TFDP1: variants seen among roughly 807,000 people sequenced by gnomAD.
The protein encoded by TFDP1 is DRTF1-polypeptide 1.
TFDP1 carries 6 observed loss-of-function variants against 48.0 expected under a neutral mutation model. The observed-to-expected ratio is 0.13, with a 90% CI of 0.07 to 0.25. The LOEUF (loss-of-function observed/expected upper bound fraction) is 0.25. Ranked by LOEUF, TFDP1 falls within the 10% of genes least tolerant of loss-of-function variation. The pLI, the probability that TFDP1 is intolerant of heterozygous loss-of-function variation, is 1.00. For missense variants in TFDP1, 335 were observed against 543.0 expected (o/e 0.62, Z 3.81); for synonymous variants, 201 against 211.6 (o/e 0.95, Z 0.44).
In TFDP1 at chr13:113,633,799, T is replaced by G; in HGVS notation, c.475-91T>G. 6.8e-7 allele frequency: 1 copy of G among 1,468,208 alleles called. No individual in the cohort carries two copies. The allele number at this position is 1,468,208 out of a possible 1,614,324, so 90.9% of individuals were successfully genotyped here. On this transcript the variant is annotated intron_variant, in intron 6 of 11. Transcript: ENST00000375370. The surrounding 1 kb of genome is among the most constrained non-coding windows in gnomAD (Gnocchi z 4.5). Reference sequence around the variant, plus strand: ...TGGGGTGGCGGCTCCGTGAGCGGGGTGCCCCTTTGAGCCAGTGCCCATGGT... The same window carrying G: ...TGGGGTGGCGGCTCCGTGAGCGGGGGGCCCCTTTGAGCCAGTGCCCATGGT...
intron 7 of TFDP1, 156 bp downstream of exon 7, chr13:113,634,189 C>T (rs1294829834): frequency 1.8e-6 from 2 of 1,081,348 alleles, no homozygotes; most frequent in African/African-American, 3.1e-5. Flanking sequence ...GTTTCTCAGT[C>T]TTGGCTGTCA....
chr13:113,608,812 C>A (rs1012517729), intron 2 of TFDP1, among the ~76,000 whole-genome samples: 3 of 152,206 alleles, frequency 2.0e-5, no homozygotes, highest in African/African-American at 7.2e-5. Flanking sequence ...TTCTAGCCCA[C>A]CATAGCCACT....
intron 2 of TFDP1, among the ~76,000 whole-genome samples, chr13:113,595,032 T>C (rs2048252383): frequency 6.6e-6 from 1 of 152,226 alleles, no homozygotes; most frequent in Non-Finnish European, 1.5e-5. Flanking sequence ...TTCTAATCTT[T>C]TCACCTCAGT....
chr13:113,612,848 G>T (rs1469556208), intron 3 of TFDP1, among the ~76,000 whole-genome samples: 1 of 152,152 alleles, frequency 6.6e-6, no homozygotes, highest in Non-Finnish European at 1.5e-5. Flanking sequence ...GTTTTGAGCC[G>T]GCCCAGCAGG....
chr13:113,638,335 C>G (rs113076727), intron 11 of TFDP1, among the ~76,000 whole-genome samples: 20 of 149,350 alleles, frequency 1.3e-4, no homozygotes, highest in African/African-American at 5.0e-4. Flanking sequence ...ACACATTTTT[C>G]AGAACGCATC....
rs1420549830 is a variant in TFDP1, at chr13:113,607,470, A to C, written c.13-3526A>C. On this transcript the variant is annotated intron_variant, in intron 2 of 11. Transcript: ENST00000375370. The surrounding 1 kb of genome is among the most constrained non-coding windows in gnomAD (Gnocchi z 5.2). ...GCAAAATGATGCTTGTGGCAGACAC[A>C]GTTGGAACCACAGACGATGCCACGC... 6.6e-6 allele frequency among the ~76,000 whole-genome samples: 1 copy of C among 152,252 alleles called. No individual in the cohort carries two copies. The highest frequency in any genetic ancestry group is 2.4e-5 in the African/African-American group (1 of 41,466).
intron 11 of TFDP1, among the ~76,000 whole-genome samples, chr13:113,639,001 G>A (rs959276457): frequency 6.6e-6 from 1 of 152,180 alleles, no homozygotes; most frequent in Non-Finnish European, 1.5e-5. Flanking sequence ...TGTCGGGCAC[G>A]TGTAGCTTCC....
At chr13:113,616,220 AG>A (rs57920501) in intron 3 of TFDP1, among the ~76,000 whole-genome samples, 55,969 of 135,820 alleles carry the variant, frequency 0.41, 11,463 homozygotes, top group African/African-American at 0.59. Context: ...AAAAAAAAAA[AG>A]AGTAAGTGTG....
At chr13:113,635,284 C>T (rs866851202) in intron 8 of TFDP1, among the ~76,000 whole-genome samples, 11 of 152,284 alleles carry the variant, frequency 7.2e-5, no homozygotes, top group Middle Eastern at 3.4e-3. Flanking sequence ...CCAGAGGGGA[C>T]GGTGTGGCAG....
rs2049202981 is a variant in TFDP1 at position 113,627,211 on chromosome 13, T to G, written c.186+3925T>G. The stretch of plus-strand genomic sequence containing the variant: ...AGCGGTGGGGAGGTCCTTAGGTCTC[T>G]GACCTGCACCAGTCAGCAGGCGCAG... On this transcript the variant is annotated intron_variant, in intron 4 of 11. Transcript: ENST00000375370. This position sits in a 1 kb window ranked among gnomAD's most constrained non-coding sequence, Gnocchi z 4.1. Among the ~76,000 whole-genome samples, 1 of 152,232 alleles carries G rather than the reference T, an allele frequency of 6.6e-6. No homozygotes were observed. Among genetic ancestry groups the G allele is most frequent in the Non-Finnish European group, 1.5e-5 (1 of 68,046 alleles).
At chr13:113,602,021 CAG>C (rs1272678459) in intron 2 of TFDP1, among the ~76,000 whole-genome samples, 2 of 149,748 alleles carry the variant, frequency 1.3e-5, no homozygotes, top group Non-Finnish European at 3.0e-5. Flanking sequence ...GAGGAGCGGA[CAG>C]AGTTACCTGA....
chr13:113,624,451 C>T (rs2049070906), intron 4 of TFDP1, among the ~76,000 whole-genome samples: 1 of 151,612 alleles, frequency 6.6e-6, no homozygotes, highest in African/African-American at 2.4e-5. Flanking sequence ...AGGTATCTCT[C>T]ACATGTCCCC....
rs994977427 is a variant in TFDP1, at chr13:113,640,393, G to T, written c.*126G>T. The T allele has an allele frequency of 6.9e-7, 1 of 1,440,402 alleles. No individual in the cohort carries two copies. Among genetic ancestry groups the T allele is most frequent in the East Asian group, 2.5e-5 (1 of 39,566 alleles). The allele number at this position is 1,440,402 out of a possible 1,614,324, so 89.2% of individuals were successfully genotyped here. ...AGATATTGGTAAGCTATTGAATTTA[G>T]ATATGCACCTCTGATAAGCAAGGAT... On this transcript the variant is annotated 3_prime_UTR_variant, in exon 12 of 12. Transcript: ENST00000375370.
intron 3 of TFDP1, among the ~76,000 whole-genome samples, chr13:113,618,903 T>G (rs2048926660): frequency 1.3e-5 from 2 of 152,204 alleles, no homozygotes; most frequent in Admixed American, 1.3e-4. Flanking sequence ...TTGTCTGTGT[T>G]TCAGACGCAC....
intron 3 of TFDP1, among the ~76,000 whole-genome samples, chr13:113,622,053 C>G (rs2049008092): frequency 6.6e-6 from 1 of 152,240 alleles, no homozygotes; most frequent in Non-Finnish European, 1.5e-5. Flanking sequence ...CTCTCTCTCT[C>G]TGCCTCGGCT....
chr13:113,623,623 CAG>C lies in TFDP1; in HGVS notation c.186+338_186+339del, dbSNP rs967889614. Among the ~76,000 whole-genome samples the C allele has an allele frequency of 6.6e-6, 1 of 152,216 alleles. No individual in the cohort carries two copies. The highest frequency in any genetic ancestry group is 1.5e-5 in the Non-Finnish European group (1 of 68,024). On this transcript the variant is annotated intron_variant, in intron 4 of 11. Transcript: ENST00000375370. The surrounding 1 kb of genome is among the most constrained non-coding windows in gnomAD (Gnocchi z 5.2). ...TCAGAGCTCGAAGCTCTTCATCTAA[CAG>C]GGGCTTCTTACGTGATGTGGCCGAG...
chr13:113,637,925 C>T (rs577221007), intron 11 of TFDP1, 29 bp downstream of exon 11: 13 of 1,607,666 alleles, frequency 8.1e-6, no homozygotes, highest in South Asian at 6.6e-5. Flanking sequence ...GTGGGAGAGG[C>T]GTCATCTGGG....
chr13:113,586,895 C>T (rs1225138039), intron 2 of TFDP1, among the ~76,000 whole-genome samples: 1 of 152,242 alleles, frequency 6.6e-6, no homozygotes, highest in Non-Finnish European at 1.5e-5. Context: ...CTTTTATCCT[C>T]TCCACTGTGC....
chr13:113,614,131 T>C (rs1184055116), intron 3 of TFDP1, among the ~76,000 whole-genome samples: 1 of 151,436 alleles, frequency 6.6e-6, no homozygotes, highest in African/African-American at 2.4e-5. Flanking sequence ...GTTGTGTGCA[T>C]GGAGTGTTAT....
Sources: gnomAD v4.1 joint callset for allele counts (sites outside exome capture counted in the v4.1 genomes callset) on GRCh38, gnomAD v4.1.1 for gene constraint, Gnocchi (gnomAD v3.1) non-coding constraint, MANE v1.5 for transcripts, NCBI Gene and HGNC (gene_info 2026-07-23, HGNC 2026-07-21) for gene names.